SLC35F3: variants seen among roughly 807,000 people sequenced by gnomAD.
SLC35F3 encodes solute carrier family 35 member F3, also known as putative thiamine transporter SLC35F3.
In SLC35F3, 25 loss-of-function variants were observed where a neutral mutation model predicts 49.9. The observed-to-expected ratio is 0.50, with a 90% CI of 0.37 to 0.70. The LOEUF (loss-of-function observed/expected upper bound fraction) is 0.70, where lower values mean the gene tolerates loss of function less well. Among genes scored for constraint, SLC35F3 ranks in the 30% least tolerant of loss-of-function variants. The probability of loss-of-function intolerance (pLI) is 0.00; values close to 1 mark genes in which losing one functional copy is unlikely to be tolerated. For missense variants in SLC35F3, 525 were observed against 639.8 expected (o/e 0.82, Z 1.94); for synonymous variants, 275 against 265.4 (o/e 1.04, Z -0.35).
intron 2 of SLC35F3, among the ~76,000 whole-genome samples, chr1:234,045,583 G>T (rs1181154594): frequency 1.3e-5 from 2 of 152,128 alleles, no homozygotes; most frequent in African/African-American, 4.8e-5. Context: ...TCTAGAACTT[G>T]CACTTGTAAC....
intron 2 of SLC35F3, among the ~76,000 whole-genome samples, chr1:234,189,110 A>C (rs192023446): frequency 3.2e-4 from 48 of 152,232 alleles, no homozygotes; most frequent in African/African-American, 9.1e-4. Flanking sequence ...AATGAGAAGG[A>C]ACCAGAAAAA....
intron 2 of SLC35F3, among the ~76,000 whole-genome samples, chr1:234,077,162 G>A (rs1160472833): frequency 2.6e-5 from 4 of 151,260 alleles, no homozygotes; most frequent in Non-Finnish European, 4.4e-5. Context: ...CCGCCACCGC[G>A]CCCGGCTAAT....
At chr1:234,274,763 C>A (rs772773822) in intron 3 of SLC35F3, among the ~76,000 whole-genome samples, 3 of 152,172 alleles carry the variant, frequency 2.0e-5, no homozygotes, top group Non-Finnish European at 4.4e-5. Flanking sequence ...TCTATCTAGT[C>A]CTCACAAACA....
At chr1:233,996,810 T>TA (rs34183215) in intron 2 of SLC35F3, among the ~76,000 whole-genome samples, 1 of 152,186 alleles carries the variant, frequency 6.6e-6, no homozygotes, top group African/African-American at 2.4e-5. Flanking sequence ...CATCCCATTT[T>TA]AAAAAGTGAG....
chr1:233,991,625 C>T (rs1663356460), intron 2 of SLC35F3, among the ~76,000 whole-genome samples: 1 of 152,060 alleles, frequency 6.6e-6, no homozygotes, highest in Non-Finnish European at 1.5e-5. Flanking sequence ...TTAAGGAAAA[C>T]TTACCCTAAT....
At chr1:234,097,363 A>T (rs1157960399) in intron 2 of SLC35F3, among the ~76,000 whole-genome samples, 4 of 152,170 alleles carry the variant, frequency 2.6e-5, no homozygotes, top group Admixed American at 2.6e-4. Flanking sequence ...AATTAAAAAG[A>T]TGTCTTCCAT....
intron 3 of SLC35F3, among the ~76,000 whole-genome samples, chr1:234,277,272 G>C (rs1407145914): frequency 6.6e-6 from 1 of 152,206 alleles, no homozygotes; most frequent in East Asian, 1.9e-4. Context: ...ATGGGGAGAG[G>C]CCAGCAGGCA....
chr1:234,206,819 C>T (rs1434908507), intron 2 of SLC35F3, among the ~76,000 whole-genome samples: 3 of 152,152 alleles, frequency 2.0e-5, no homozygotes, highest in African/African-American at 7.2e-5. Context: ...GTCTGCCCAA[C>T]GTTGAGCCTC....
chr1:234,301,042 G>A (rs1173303200), intron 3 of SLC35F3, among the ~76,000 whole-genome samples: 3 of 152,208 alleles, frequency 2.0e-5, no homozygotes, highest in Admixed American at 6.5e-5. Context: ...GTAGCATCTC[G>A]GGATTGAGGA....
intron 3 of SLC35F3, among the ~76,000 whole-genome samples, chr1:234,278,803 C>T (rs1668257331): frequency 6.6e-6 from 1 of 152,172 alleles, no homozygotes; most frequent in Non-Finnish European, 1.5e-5. Flanking sequence ...TTTTGTCTCT[C>T]TTACCAGGCC....
intron 2 of SLC35F3, among the ~76,000 whole-genome samples, chr1:234,179,142 AG>A (rs1300495940): frequency 2.0e-5 from 3 of 152,270 alleles, no homozygotes; most frequent in African/African-American, 7.2e-5. Flanking sequence ...TGCAGAGCTG[AG>A]AACTTCCTCA....
At chr1:233,919,123 A>G (rs954114739) in intron 2 of SLC35F3, among the ~76,000 whole-genome samples, 1 of 152,190 alleles carries the variant, frequency 6.6e-6, no homozygotes, top group Non-Finnish European at 1.5e-5. Flanking sequence ...GCTTCAGCCA[A>G]TGGCCTTACG....
At chr1:233,935,150 T>C (rs1430454792) in intron 2 of SLC35F3, among the ~76,000 whole-genome samples, 1 of 150,828 alleles carries the variant, frequency 6.6e-6, no homozygotes, top group African/African-American at 2.4e-5. Flanking sequence ...GTTCTATTGA[T>C]GGCTTTATTT....
At chr1:234,053,736 T>A (rs951700882) in intron 2 of SLC35F3, among the ~76,000 whole-genome samples, 9 of 152,266 alleles carry the variant, frequency 5.9e-5, no homozygotes, top group African/African-American at 1.4e-4. Context: ...CTTCCTAGCA[T>A]CGATGGTCTT....
rs113934396 is a variant in SLC35F3 at position 234,154,069 on chromosome 1, A to AAC, written c.284-77347_284-77346insCA. Among the ~76,000 whole-genome samples the AAC allele has an allele frequency of 6.8e-3, 1,025 of 151,458 alleles. 14 individuals carry two copies. The highest frequency in any genetic ancestry group is 0.024 in the African/African-American group (971 of 41,284). On this transcript the variant is annotated intron_variant, in intron 2 of 7. Transcript: ENST00000366618. ...AGAGCGAGACTCCGTCTCAAAAAAA[A>AAC]AAACAAAAAACAAAAAACTAGCTGG... is the stretch of plus-strand genomic sequence containing the variant.
At position 234,214,428 on chromosome 1, in the gene SLC35F3, A is replaced by G. The variant is rs2102941599; in HGVS notation, c.284-16989A>G. ...GGGCCGCGTCGGCCACGGGCCCGGG[A>G]GAGACGCGCTCCAGCCGGCCCCAGG... On this transcript the variant is annotated intron_variant, in intron 2 of 7. Transcript: ENST00000366618. This position sits in a 1 kb window ranked among gnomAD's most constrained non-coding sequence, Gnocchi z 8.0. 6.8e-7 allele frequency: 1 copy of G among 1,470,782 alleles called. No individual in the cohort carries two copies. The highest frequency in any genetic ancestry group is 2.9e-5 in the East Asian group (1 of 34,244). The allele number at this position is 1,470,782 out of a possible 1,614,324, so 91.1% of individuals were successfully genotyped here.
At chr1:234,140,002 A>AATAAAAAAAATAAAATAAAATAAAT in intron 2 of SLC35F3, among the ~76,000 whole-genome samples, 1 of 105,368 alleles carries the variant, frequency 9.5e-6, no homozygotes, top group African/African-American at 3.1e-5. Context: ...AATAAAATAA[A>AATAAAAAAAATAAAATAAAATAAAT]GTAAGTGACT....
At chr1:234,118,345 C>T (rs1209152321) in intron 2 of SLC35F3, among the ~76,000 whole-genome samples, 2 of 152,136 alleles carry the variant, frequency 1.3e-5, no homozygotes, top group East Asian at 1.9e-4. Flanking sequence ...TTTGTATCGT[C>T]GGATTTCCAT....
chr1:233,992,477 G>A (rs776799070), intron 2 of SLC35F3, among the ~76,000 whole-genome samples: 2 of 152,120 alleles, frequency 1.3e-5, no homozygotes, highest in Non-Finnish European at 2.9e-5. Flanking sequence ...ATATTGAGGG[G>A]TGTCCTGGCT....
Sources: gnomAD v4.1 joint callset for allele counts (sites outside exome capture counted in the v4.1 genomes callset) on GRCh38, gnomAD v4.1.1 for gene constraint, Gnocchi (gnomAD v3.1) non-coding constraint, MANE v1.5 for transcripts, NCBI Gene and HGNC (gene_info 2026-07-23, HGNC 2026-07-21) for gene names.